The following MARS2 variants were observed in gnomAD, a reference collection of about 807,000 sequenced individuals.
MARS2 encodes the protein methionyl-tRNA synthetase 2, mitochondrial, also known as methionine--tRNA ligase, mitochondrial.
A neutral mutation model predicts 43.8 loss-of-function variants in MARS2; 33 were observed. The ratio of observed to expected loss-of-function variants is 0.75; its 90% CI spans 0.57 to 1.01. The LOEUF is 1.01. Ranked by LOEUF, MARS2 falls within the 50% of genes least tolerant of loss-of-function variation. The pLI, the probability that MARS2 is intolerant of heterozygous loss-of-function variation, is 0.00. For synonymous variants in MARS2, 351 were observed against 325.5 expected (o/e 1.08, Z -0.84); for missense variants, 720 against 763.0 (o/e 0.94, Z 0.66).
chr2:197,706,714 G>C lies in MARS2; in HGVS notation c.1309G>C (p.Gly437Arg). 6.2e-7 allele frequency: 1 copy of C among 1,614,016 alleles called. No individual in the cohort carries two copies. ...TCFPSEPGLV[G>R]PSVRAQAEDY... ...CTTCCCTAGTGAGCCAGGGTTGGTGGGGCCGTCAGTTCGTGCTCAGGCAGA... is the reference window on the plus strand; with the variant it reads ...CTTCCCTAGTGAGCCAGGGTTGGTGCGGCCGTCAGTTCGTGCTCAGGCAGA... Residue 437 changes from glycine (G) to arginine (R), a missense_variant, in exon 1 of 1, where the codon GGG becomes CGG. By Grantham distance (125) the Gly-to-Arg change is moderately radical. Transcript: ENST00000282276.
rs920989066 is a variant in MARS2, at chr2:197,708,290, T to C, written c.*1103T>C. The C allele has an allele frequency of 6.0e-6, 1 of 166,820 alleles. No homozygotes were observed. Among genetic ancestry groups the C allele is most frequent in the Admixed American group, 6.5e-5 (1 of 15,292 alleles). 10.3% of individuals were successfully genotyped at this position (166,820 alleles called of 1,614,324 possible). On this transcript the variant is annotated 3_prime_UTR_variant, in exon 1 of 1. Coordinates refer to ENST00000282276, the MANE Select transcript of MARS2 (RefSeq NM_138395.4). ...TTAATACAATATAGAAATTGTGTAA[T>C]AGTTATTATAAATGTTAATACACAA...
chr2:197,705,439 C>T lies in MARS2; in HGVS notation c.34C>T (p.Arg12Cys), dbSNP rs1351963595. The change falls in exon 1 of 1, where the codon CGC (arginine) becomes TGC (cysteine). Residue 12 changes from arginine (R) to cysteine (C), a missense_variant. Coordinates refer to ENST00000282276, the MANE Select transcript of MARS2 (RefSeq NM_138395.4). ...LRTSVLRLLG[R>C]TGASRLSLLE... ...AACGTCCGTCCTCCGCCTGCTAGGA[C>T]GCACGGGGGCTAGTAGGCTGTCTCT... is the stretch of plus-strand genomic sequence containing the variant. 1 of 1,612,092 alleles carries T rather than the reference C, an allele frequency of 6.2e-7. No homozygotes were observed. Among genetic ancestry groups the T allele is most frequent in the Non-Finnish European group, 8.5e-7 (1 of 1,179,704 alleles).
chr2:197,707,052 A>G lies in MARS2; in HGVS notation c.1647A>G (p.Gly549=), dbSNP rs754508389. 1.2e-6 allele frequency: 2 copies of G among 1,614,114 alleles called. No homozygotes were observed. The highest frequency in any genetic ancestry group is 1.1e-5 in the South Asian group (1 of 91,072). ...LGVSASERSL[G]ELYFLPRFYG... ...TCTCTGCCTCAGAGAGGAGTCTTGG[A>G]GAGCTCTATTTCTTGCCTCGATTCT... The change falls in exon 1 of 1, where the codon GGA becomes GGG. Residue 549 remains glycine (G), a synonymous_variant. Transcript: ENST00000282276.
rs1487042520 is a variant in MARS2, at chr2:197,706,409, T to A, written c.1004T>A (p.Ile335Asn). The change falls in exon 1 of 1, where the codon ATC (isoleucine) becomes AAC (asparagine). Residue 335 changes from isoleucine to asparagine, a missense_variant. By Grantham distance (149) the Ile-to-Asn change is moderately radical. Transcript: ENST00000282276. ...GCCGGCATGAGCCCGCCACAGCGCA[T>A]CTGTGTCCATTCCCACTGGACAGTC... is the stretch of plus-strand genomic sequence containing the variant. ...LGAGMSPPQR[I>N]CVHSHWTVCG... 4.3e-6 allele frequency: 7 copies of A among 1,614,028 alleles called. No homozygotes were observed. The highest frequency in any genetic ancestry group is 5.9e-6 in the Non-Finnish European group (7 of 1,180,040).
chr2:197,705,440 G>T lies in MARS2; in HGVS notation c.35G>T (p.Arg12Leu). 1 of 1,612,116 alleles carries T rather than the reference G, an allele frequency of 6.2e-7. No individual in the cohort carries two copies. The highest frequency in any genetic ancestry group is 2.2e-5 in the East Asian group (1 of 44,878). The change falls in exon 1 of 1, where the codon CGC (arginine) becomes CTC (leucine). Residue 12 changes from arginine (R) to leucine (L), a missense_variant. Transcript: ENST00000282276. ...LRTSVLRLLG[R>L]TGASRLSLLE... Reference sequence around the variant, plus strand: ...ACGTCCGTCCTCCGCCTGCTAGGACGCACGGGGGCTAGTAGGCTGTCTCTC... The same window carrying T: ...ACGTCCGTCCTCCGCCTGCTAGGACTCACGGGGGCTAGTAGGCTGTCTCTC...
At position 197,706,408 on chromosome 2, in the gene MARS2, A is replaced by G; in HGVS notation, c.1003A>G (p.Ile335Val). 1 of 1,614,144 alleles carries G rather than the reference A, an allele frequency of 6.2e-7. No individual in the cohort carries two copies. The highest frequency in any genetic ancestry group is 8.5e-7 in the Non-Finnish European group (1 of 1,180,040). The part of the protein sequence containing the change: ...LGAGMSPPQR[I>V]CVHSHWTVCG... ...GGCCGGCATGAGCCCGCCACAGCGC[A>G]TCTGTGTCCATTCCCACTGGACAGT... The change falls in exon 1 of 1, where the codon ATC (isoleucine) becomes GTC (valine). Residue 335 changes from isoleucine to valine, a missense_variant. By Grantham distance (29) the Ile-to-Val change is conservative (BLOSUM62 3). Coordinates refer to ENST00000282276, the MANE Select transcript of MARS2 (RefSeq NM_138395.4).
Position 197,706,371 on chromosome 2 carries a change from CT to C in MARS2, c.968del (p.Phe323SerfsTer3), listed in dbSNP as rs754210146. 6.2e-7 allele frequency: 1 copy of C among 1,614,246 alleles called. No homozygotes were observed. Among genetic ancestry groups the C allele is most frequent in the Non-Finnish European group, 8.5e-7 (1 of 1,180,046 alleles). On this transcript the variant is annotated frameshift_variant, in exon 1 of 1. Transcript: ENST00000282276. LOFTEE classifies it high-confidence loss of function. Reference sequence around the variant, plus strand: ...AATTCCATGCCATCTATTGGCCTGCCTTCCTGTTAGGGGCCGGCATGAGCCC... The same window carrying C: ...AATTCCATGCCATCTATTGGCCTGCCTCCTGTTAGGGGCCGGCATGAGCCC... ...LKFHAIYWPA[F>X]LLGAGMSPPQ...
rs776074583 is a variant in MARS2 at position 197,706,628 on chromosome 2, A to G, written c.1223A>G (p.Asn408Ser). The G allele has an allele frequency of 1.2e-6, 2 of 1,614,170 alleles. No homozygotes were observed. The highest frequency in any genetic ancestry group is 2.2e-5 in the South Asian group (2 of 91,082). ...ELADALGGLL[N>S]RCTAKRINPS... ...GCAGATGCCTTGGGAGGTCTCTTGA[A>G]CCGATGCACTGCCAAAAGAATAAAT... Residue 408 changes from asparagine (N) to serine (S), a missense_variant, in exon 1 of 1, where the codon AAC becomes AGC. Transcript: ENST00000282276.
At position 197,706,820 on chromosome 2, in the gene MARS2, C is replaced by T; in HGVS notation, c.1415C>T (p.Ala472Val). 1.2e-6 allele frequency: 2 copies of T among 1,614,136 alleles called. No homozygotes were observed. The highest frequency in any genetic ancestry group is 1.7e-6 in the Non-Finnish European group (2 of 1,180,026). The change falls in exon 1 of 1, where the codon GCT becomes GTT. Residue 472 changes from alanine (A) to valine (V), a missense_variant. Transcript: ENST00000282276. The stretch of plus-strand genomic sequence containing the variant: ...TATGATAACTTTCGGATATATAAGG[C>T]TCTGGAGGCCGTGTCCAGCTGTGTC... ...DHYDNFRIYK[A>V]LEAVSSCVRQ...
chr2:197,706,682 C>T lies in MARS2; in HGVS notation c.1277C>T (p.Thr426Ile). The T allele has an allele frequency of 1.2e-6, 2 of 1,614,128 alleles. No homozygotes were observed. Among genetic ancestry groups the T allele is most frequent in the African/African-American group, 1.3e-5 (1 of 75,072 alleles). ...NPSETYPAFC[T>I]TCFPSEPGLV... Reference sequence around the variant, plus strand: ...TCTGAGACCTACCCAGCCTTCTGCACTACCTGCTTCCCTAGTGAGCCAGGG... The same window carrying T: ...TCTGAGACCTACCCAGCCTTCTGCATTACCTGCTTCCCTAGTGAGCCAGGG... Residue 426 changes from threonine to isoleucine, a missense_variant, in exon 1 of 1, where the codon ACT becomes ATT. Physicochemically the swap from Thr to Ile is moderately conservative, Grantham distance 89. Coordinates refer to ENST00000282276, the MANE Select transcript of MARS2 (RefSeq NM_138395.4).
chr2:197,706,745 A>G lies in MARS2; in HGVS notation c.1340A>G (p.Tyr447Cys). 1 of 1,614,122 alleles carries G rather than the reference A, an allele frequency of 6.2e-7. No homozygotes were observed. Among genetic ancestry groups the G allele is most frequent in the Non-Finnish European group, 8.5e-7 (1 of 1,180,048 alleles). ...GPSVRAQAED[Y>C]ALVSAVATLP... ...TCAGTTCGTGCTCAGGCAGAGGATT[A>G]TGCTCTGGTGAGCGCAGTGGCCACT... Residue 447 changes from tyrosine to cysteine, a missense_variant, in exon 1 of 1, where the codon TAT becomes TGT. Physicochemically the swap from Tyr to Cys is radical, Grantham distance 194. Coordinates refer to ENST00000282276, the MANE Select transcript of MARS2 (RefSeq NM_138395.4).
rs1335327485 is a variant in MARS2, at chr2:197,706,366, C to A, written c.961C>A (p.Pro321Thr). 1.2e-6 allele frequency: 2 copies of A among 1,614,234 alleles called. No individual in the cohort carries two copies. The highest frequency in any genetic ancestry group is 4.5e-5 in the East Asian group (2 of 44,884). ...TCTCAAATTCCATGCCATCTATTGG[C>A]CTGCCTTCCTGTTAGGGGCCGGCAT... ...DILKFHAIYW[P>T]AFLLGAGMSP... Residue 321 changes from proline (P) to threonine (T), a missense_variant, in exon 1 of 1, where the codon CCT becomes ACT. Coordinates refer to ENST00000282276, the MANE Select transcript of MARS2 (RefSeq NM_138395.4).
In MARS2 at chr2:197,707,049, T is replaced by G; in HGVS notation, c.1644T>G (p.Leu548=). The change falls in exon 1 of 1, where the codon CTT becomes CTG. Residue 548 remains leucine (L), a synonymous_variant. Transcript: ENST00000282276. The stretch of plus-strand genomic sequence containing the variant: ...GGGTCTCTGCCTCAGAGAGGAGTCT[T>G]GGAGAGCTCTATTTCTTGCCTCGAT... The part of the protein sequence containing the change: ...RLGVSASERS[L]GELYFLPRFY... 1 of 1,614,134 alleles carries G rather than the reference T, an allele frequency of 6.2e-7. No homozygotes were observed. The highest frequency in any genetic ancestry group is 8.5e-7 in the Non-Finnish European group (1 of 1,180,018).
In MARS2 at chr2:197,705,878, G is replaced by A; in HGVS notation, c.473G>A (p.Gly158Asp). ...QHFWGVLKSR[G>D]LLYKGVYEGW... ...TTCTGGGGGGTGCTTAAGTCCCGCG[G>A]TCTGCTCTACAAGGGCGTCTATGAA... The change falls in exon 1 of 1, where the codon GGT (glycine) becomes GAT (aspartate). Residue 158 changes from glycine to aspartate, a missense_variant. Coordinates refer to ENST00000282276, the MANE Select transcript of MARS2 (RefSeq NM_138395.4). The A allele has an allele frequency of 6.2e-7, 1 of 1,614,052 alleles. No homozygotes were observed. Among genetic ancestry groups the A allele is most frequent in the Non-Finnish European group, 8.5e-7 (1 of 1,180,048 alleles).
Position 197,705,483 on chromosome 2 carries a change from A to G in MARS2, c.78A>G (p.Pro26=), listed in dbSNP as rs11537632. The G allele has an allele frequency of 6.2e-7, 1 of 1,613,080 alleles. No homozygotes were observed. The highest frequency in any genetic ancestry group is 8.5e-7 in the Non-Finnish European group (1 of 1,179,976). Residue 26 remains proline (P), a synonymous_variant, in exon 1 of 1, where the codon CCA becomes CCG. Coordinates refer to ENST00000282276, the MANE Select transcript of MARS2 (RefSeq NM_138395.4). ...SRLSLLEDFG[P]RYYSSGSLSA... is the part of the protein sequence containing the mutation. The stretch of plus-strand genomic sequence containing the variant: ...TGTCTCTCCTGGAGGACTTCGGCCC[A>G]CGCTACTACAGTTCGGGCTCCCTCA...
Position 197,706,473 on chromosome 2 carries a change from G to A in MARS2, c.1068G>A (p.Val356=). The A allele has an allele frequency of 6.2e-7, 1 of 1,613,706 alleles. No individual in the cohort carries two copies. The highest frequency in any genetic ancestry group is 8.5e-7 in the Non-Finnish European group (1 of 1,180,038). The change falls in exon 1 of 1, where the codon GTG becomes GTA. Residue 356 remains valine (V), a synonymous_variant. Coordinates refer to ENST00000282276, the MANE Select transcript of MARS2 (RefSeq NM_138395.4). ...TGTCCAAGAGCTTGGGCAACGTGGT[G>A]GATCCTAGGACTTGCCTTAACCGCT... ...QKMSKSLGNV[V]DPRTCLNRYT... is the part of the protein sequence containing the mutation.
Position 197,706,509 on chromosome 2 carries a change from T to C in MARS2, c.1104T>C (p.Asp368=). 6.2e-7 allele frequency: 1 copy of C among 1,614,140 alleles called. No homozygotes were observed. Among genetic ancestry groups the C allele is most frequent in the Non-Finnish European group, 8.5e-7 (1 of 1,180,038 alleles). ...PRTCLNRYTV[D]GFRYFLLRQG... Reference sequence around the variant, plus strand: ...CTTGCCTTAACCGCTATACCGTGGATGGCTTCCGCTACTTTCTCCTTCGGC... The same window carrying C: ...CTTGCCTTAACCGCTATACCGTGGACGGCTTCCGCTACTTTCTCCTTCGGC... Residue 368 remains aspartate, a synonymous_variant, in exon 1 of 1, where the codon GAT becomes GAC. Transcript: ENST00000282276.
Position 197,705,877 on chromosome 2 carries a change from G to T in MARS2, c.472G>T (p.Gly158Cys), listed in dbSNP as rs1221906339. The T allele has an allele frequency of 6.2e-7, 1 of 1,613,930 alleles. No individual in the cohort carries two copies. Among genetic ancestry groups the T allele is most frequent in the African/African-American group, 1.3e-5 (1 of 74,938 alleles). Residue 158 changes from glycine to cysteine, a missense_variant, in exon 1 of 1, where the codon GGT becomes TGT. Transcript: ENST00000282276. ...QHFWGVLKSR[G>C]LLYKGVYEGW... ...CTTCTGGGGGGTGCTTAAGTCCCGC[G>T]GTCTGCTCTACAAGGGCGTCTATGA... is the stretch of plus-strand genomic sequence containing the variant.
chr2:197,708,120 C>G lies in MARS2; in HGVS notation c.*933C>G, dbSNP rs193013416. 12 of 167,166 alleles carry G rather than the reference C, an allele frequency of 7.2e-5. No individual in the cohort carries two copies. In the East Asian group the frequency reaches 2.3e-3, roughly 32 times the overall value. The allele number at this position is 167,166 out of a possible 1,614,324, so 10.4% of individuals were successfully genotyped here. On this transcript the variant is annotated 3_prime_UTR_variant, in exon 1 of 1. Transcript: ENST00000282276. ...CACTTGGTATGTTAAAAATTTTAAA[C>G]TTTAGTAACATTAGGTTACAGGTAT...
Sources: allele counts gnomAD v4.1 joint callset, GRCh38; gene constraint gnomAD v4.1.1; transcripts MANE v1.5; gene names NCBI Gene and HGNC (gene_info 2026-07-23, HGNC 2026-07-21).